The following DOCK2 variants were observed in gnomAD, a reference collection of about 807,000 sequenced individuals.
DOCK2 encodes the protein dedicator of cytokinesis protein 2.
Under a neutral mutation model 248.9 loss-of-function variants are expected in DOCK2, and 87 were observed. That is an observed-to-expected ratio of 0.35 (90% CI 0.29 to 0.42). DOCK2 has a LOEUF of 0.42. Among genes scored for constraint, DOCK2 ranks in the 10% least tolerant of loss-of-function variants. The pLI is 1.00. For synonymous variants in DOCK2, 805 were observed against 821.6 expected (o/e 0.98, Z 0.35); for missense variants, 1,747 against 2,300.2 (o/e 0.76, Z 4.92).
intron 20 of DOCK2, among the ~76,000 whole-genome samples, chr5:169,717,162 AC>A (rs1366714947): frequency 6.6e-6 from 1 of 152,182 alleles, no homozygotes; most frequent in African/African-American, 2.4e-5. Flanking sequence ...ATTTCTCAAA[AC>A]CTATTTGACC....
At chr5:169,735,982 G>A (rs999528504) in intron 22 of DOCK2, among the ~76,000 whole-genome samples, 1 of 151,926 alleles carries the variant, frequency 6.6e-6, no homozygotes, top group Non-Finnish European at 1.5e-5. Flanking sequence ...GGGAGAGAGA[G>A]AGTGAGAGAG....
chr5:169,698,331 C>G, intron 10 of DOCK2, 43 bp from the exon 11 acceptor site: 1 of 1,597,732 alleles, frequency 6.3e-7, no homozygotes, highest in Non-Finnish European at 8.6e-7. Flanking sequence ...CTTATGGGAA[C>G]AGGAAGAAGT....
Position 170,075,986 on chromosome 5 carries a change from AG to A in DOCK2, c.4771del (p.Val1591CysfsTer19). ...LGAGIKIHEKRVSDNLRPFHD... is the reference protein window; with the variant it reads ...LGAGIKIHEKXVSDNLRPFHD... ...AGCTGGGATTAAGATCCATGAGAAA[AG>A]GGTGTCAGATAACTTGCGACCCTTC... On this transcript the variant is annotated frameshift_variant, in exon 47 of 52. Transcript: ENST00000520908. LOFTEE classifies it high-confidence loss of function. 1 of 1,614,026 alleles carries A rather than the reference AG, an allele frequency of 6.2e-7. No homozygotes were observed. Among genetic ancestry groups the A allele is most frequent in the Non-Finnish European group, 8.5e-7 (1 of 1,179,928 alleles).
chr5:169,715,644 A>G (rs567291770), intron 19 of DOCK2, among the ~76,000 whole-genome samples: 11 of 150,912 alleles, frequency 7.3e-5, no homozygotes, highest in Admixed American at 1.3e-4. Flanking sequence ...TATACATATG[A>G]TGAAATAGAT....
intron 36 of DOCK2, among the ~76,000 whole-genome samples, chr5:170,039,705 C>T (rs1756449272): frequency 6.6e-6 from 1 of 152,214 alleles, no homozygotes; most frequent in Non-Finnish European, 1.5e-5. Flanking sequence ...TGGTGAGCTT[C>T]GTGCAGAAAG....
chr5:169,720,866 G>C (rs1762160383), intron 22 of DOCK2, among the ~76,000 whole-genome samples: 1 of 152,150 alleles, frequency 6.6e-6, no homozygotes, highest in South Asian at 2.1e-4. Context: ...AAGTAGTTGG[G>C]ATTACAGGCA....
At chr5:169,784,162 C>T (rs1402457972) in intron 25 of DOCK2, among the ~76,000 whole-genome samples, 1 of 151,842 alleles carries the variant, frequency 6.6e-6, no homozygotes, top group Non-Finnish European at 1.5e-5. Context: ...TTTCAAAATG[C>T]TCTTTTGCTC....
chr5:169,992,178 C>T (rs1454481820), intron 29 of DOCK2, among the ~76,000 whole-genome samples: 1 of 152,110 alleles, frequency 6.6e-6, no homozygotes, highest in Non-Finnish European at 1.5e-5. Flanking sequence ...AAGTGGAAAC[C>T]ATATCTAACT....
chr5:169,867,618 T>C (rs1359443766), intron 27 of DOCK2, among the ~76,000 whole-genome samples: 1 of 98,062 alleles, frequency 1.0e-5, no homozygotes, highest in African/African-American at 4.6e-5. Context: ...CATGTATCAT[T>C]ATCTATCATC....
rs1210411556 is a variant in DOCK2 at position 170,082,823 on chromosome 5, A to C, written c.5458A>C (p.Lys1820Gln). Residue 1820 changes from lysine (K) to glutamine (Q), a missense_variant, in exon 52 of 52, where the codon AAA (lysine) becomes CAA (glutamine). Transcript: ENST00000520908. ...GGCCAGCAAATCGGCTGAAGAAGGC[A>C]AACAGATCCCAGACTCGCTGTCCAC... ...MLASKSAEEG[K>Q]QIPDSLSTDL 6.2e-7 allele frequency: 1 copy of C among 1,614,200 alleles called. No individual in the cohort carries two copies. Among genetic ancestry groups the C allele is most frequent in the Non-Finnish European group, 8.5e-7 (1 of 1,180,028 alleles).
chr5:169,715,575 T>A (rs895594914), intron 19 of DOCK2, among the ~76,000 whole-genome samples: 1 of 151,984 alleles, frequency 6.6e-6, no homozygotes, highest in Non-Finnish European at 1.5e-5. Context: ...TTTTGTTGTC[T>A]TCCTCTTGCA....
At chr5:169,760,711 G>A (rs1250780674) in intron 24 of DOCK2, among the ~76,000 whole-genome samples, 1 of 152,142 alleles carries the variant, frequency 6.6e-6, no homozygotes, top group African/African-American at 2.4e-5. Flanking sequence ...ATACATCGCT[G>A]TGTATTGATT....
chr5:169,805,475 C>G (rs1041382516), intron 26 of DOCK2, among the ~76,000 whole-genome samples: 2 of 152,208 alleles, frequency 1.3e-5, no homozygotes, highest in Non-Finnish European at 2.9e-5. Context: ...TAGTAATGCT[C>G]AGATCCCTTT....
At chr5:169,786,577 G>A (rs2113030408) in intron 25 of DOCK2, among the ~76,000 whole-genome samples, 1 of 152,304 alleles carries the variant, frequency 6.6e-6, no homozygotes, top group Middle Eastern at 3.4e-3. Flanking sequence ...GTTCAGCACA[G>A]CATCTTCAGG....
At chr5:169,657,217 A>T (rs1758172622) in intron 2 of DOCK2, among the ~76,000 whole-genome samples, 1 of 152,100 alleles carries the variant, frequency 6.6e-6, no homozygotes, top group East Asian at 1.9e-4. Context: ...GCAGAAGGTA[A>T]TGGAGCTGGA....
At chr5:170,076,379 C>A (rs1561910421) in intron 47 of DOCK2, among the ~76,000 whole-genome samples, 1 of 152,176 alleles carries the variant, frequency 6.6e-6, no homozygotes, top group East Asian at 1.9e-4. Flanking sequence ...TGTGCCAGGC[C>A]TGATTCAAGC....
intron 1 of DOCK2, among the ~76,000 whole-genome samples, chr5:169,649,595 G>C (rs564919629): frequency 5.9e-5 from 9 of 152,310 alleles, no homozygotes; most frequent in Admixed American, 4.6e-4. Context: ...CAAGCCCAGT[G>C]TATGTGTAAT....
intron 51 of DOCK2, 57 bp from the exon 52 acceptor site, chr5:170,082,739 T>C (rs939781334): frequency 4.4e-6 from 7 of 1,603,208 alleles, no homozygotes; most frequent in Admixed American, 1.7e-5. Flanking sequence ...AAGCTCCATT[T>C]TGGTGCTTAA....
chr5:169,649,128 C>T (rs1401778487), intron 1 of DOCK2, among the ~76,000 whole-genome samples: 1 of 152,226 alleles, frequency 6.6e-6, no homozygotes, highest in Non-Finnish European at 1.5e-5. Flanking sequence ...TCTATTTCCC[C>T]CTGGAGTGGA....
Sources: allele counts gnomAD v4.1 joint callset (sites outside exome capture counted in the v4.1 genomes callset), GRCh38; gene constraint gnomAD v4.1.1; transcripts MANE v1.5; gene names NCBI Gene and HGNC (gene_info 2026-07-23, HGNC 2026-07-21).